PCDH15: variants seen among roughly 807,000 people sequenced by gnomAD.
PCDH15 encodes the protein protocadherin-15.
In PCDH15, 129 loss-of-function variants were observed where a neutral mutation model predicts 178.5. That is an observed-to-expected ratio of 0.72 (90% CI 0.63 to 0.84). PCDH15 has a LOEUF of 0.84. PCDH15 is among the 40% of genes least tolerant of loss of function. The pLI is 0.00. For missense variants in PCDH15, 2,230 were observed against 2,099.9 expected (o/e 1.06, Z -1.21); for synonymous variants, 800 against 732.0 (o/e 1.09, Z -1.50).
chr10:54,882,726 T>G (rs10450311), intron 3 of PCDH15, among the ~76,000 whole-genome samples: 3,370 of 152,158 alleles, frequency 0.022, 141 homozygotes, highest in African/African-American at 0.075. Flanking sequence ...TTTCATTACT[T>G]TACAGTCCAC....
chr10:54,172,648 A>T (rs2047036947), intron 13 of PCDH15, among the ~76,000 whole-genome samples: 1 of 152,222 alleles, frequency 6.6e-6, no homozygotes, highest in Non-Finnish European at 1.5e-5. Flanking sequence ...TATATTGTAC[A>T]TTTTGTTTCT....
chr10:55,627,937 G>A (rs1214695255), exon 1 of PCDH15: 1 of 152,496 alleles, frequency 6.6e-6, no homozygotes, highest in Non-Finnish European at 1.5e-5. Flanking sequence ...TGCTCCTCCT[G>A]ATAGCGCCAA....
At chr10:54,225,199 A>C (rs2053296286) in intron 9 of PCDH15, among the ~76,000 whole-genome samples, 1 of 152,142 alleles carries the variant, frequency 6.6e-6, no homozygotes, top group Admixed American at 6.6e-5. Context: ...AGAAGCTCTG[A>C]AAAGGGAGGT....
chr10:54,837,499 A>G (rs1953336161), intron 3 of PCDH15, among the ~76,000 whole-genome samples: 1 of 152,220 alleles, frequency 6.6e-6, no homozygotes, highest in Non-Finnish European at 1.5e-5. Flanking sequence ...TTATGATCAC[A>G]AAATTGAACT....
chr10:53,973,003 G>T (rs1451357163), intron 21 of PCDH15, among the ~76,000 whole-genome samples: 4 of 152,026 alleles, frequency 2.6e-5, no homozygotes, highest in African/African-American at 9.7e-5. Context: ...TATGTTTATT[G>T]TGGTACTATT....
chr10:55,442,485 A>ATATATATATATATTATATATATATAT (rs1839218590), intron 2 of PCDH15, among the ~76,000 whole-genome samples: 9 of 91,742 alleles, frequency 9.8e-5, no homozygotes, highest in East Asian at 1.1e-3. Flanking sequence ...TATATATTAT[A>ATATATATATATATTATATATATATAT]TATATATATA....
intron 3 of PCDH15, among the ~76,000 whole-genome samples, chr10:54,479,997 A>G (rs2078593579): frequency 6.6e-6 from 1 of 152,072 alleles, no homozygotes; most frequent in African/African-American, 2.4e-5. Flanking sequence ...GCCTCGAAAT[A>G]TAATTATGAC....
At chr10:55,313,899 G>A (rs1240849719) in intron 1 of PCDH15, among the ~76,000 whole-genome samples, 1 of 152,018 alleles carries the variant, frequency 6.6e-6, no homozygotes, top group African/African-American at 2.4e-5. Flanking sequence ...TTAGACATAA[G>A]TGGCTTTTGA....
chr10:54,037,663 G>A (rs759878386), intron 18 of PCDH15, among the ~76,000 whole-genome samples: 11 of 151,930 alleles, frequency 7.2e-5, no homozygotes, highest in Admixed American at 1.3e-4. Context: ...TGCAACATTT[G>A]CTGTATTACT....
chr10:55,537,225 C>T (rs1400998029), intron 2 of PCDH15, among the ~76,000 whole-genome samples: 2 of 151,956 alleles, frequency 1.3e-5, no homozygotes, highest in African/African-American at 4.8e-5. Flanking sequence ...GATAAAAATA[C>T]GTATCCCTAA....
intron 37 of PCDH15, among the ~76,000 whole-genome samples, chr10:53,810,204 T>C (rs1355566941): frequency 6.6e-6 from 1 of 152,190 alleles, no homozygotes; most frequent in Admixed American, 6.6e-5. Context: ...TGACTTTTAG[T>C]TTTGCTAGAT....
intron 1 of PCDH15, among the ~76,000 whole-genome samples, chr10:55,225,516 G>T (rs928768167): frequency 2.6e-5 from 4 of 152,056 alleles, no homozygotes; most frequent in African/African-American, 9.7e-5. Flanking sequence ...CTGTCTTGTC[G>T]GAAGATAGAA....
intron 2 of PCDH15, among the ~76,000 whole-genome samples, chr10:54,659,843 C>T (rs1298937590): frequency 6.6e-6 from 1 of 150,660 alleles, no homozygotes; most frequent in African/African-American, 2.4e-5. Context: ...TGATTTTAGG[C>T]TAAACAAGAA....
chr10:54,298,053 C>T (rs1402466946), intron 8 of PCDH15, among the ~76,000 whole-genome samples: 3 of 152,214 alleles, frequency 2.0e-5, no homozygotes, highest in Non-Finnish European at 4.4e-5. Context: ...GAGTTGTAAA[C>T]ATCTGTTGAC....
At chr10:55,172,168 A>T (rs1457429773) in intron 1 of PCDH15, among the ~76,000 whole-genome samples, 1 of 151,954 alleles carries the variant, frequency 6.6e-6, no homozygotes, top group Non-Finnish European at 1.5e-5. Context: ...CAAGAGAATA[A>T]ATTTATATTT....
chr10:54,012,775 T>C (rs570683443), intron 20 of PCDH15, among the ~76,000 whole-genome samples: 1 of 152,278 alleles, frequency 6.6e-6, no homozygotes, highest in East Asian at 1.9e-4. Flanking sequence ...AGGCCTGCCT[T>C]ATAAGAGCTC....
At chr10:54,280,569 C>A (rs1217213704) in intron 8 of PCDH15, among the ~76,000 whole-genome samples, 3 of 151,818 alleles carry the variant, frequency 2.0e-5, no homozygotes, top group Non-Finnish European at 4.4e-5. Context: ...TCCTGACCCA[C>A]TGTCTTTGTT....
At chr10:55,108,846 A>C (rs1207337610) in intron 2 of PCDH15, among the ~76,000 whole-genome samples, 1 of 152,172 alleles carries the variant, frequency 6.6e-6, no homozygotes, top group Admixed American at 6.5e-5. Flanking sequence ...TACTGCCTGG[A>C]AATGTTGTGA....
chr10:55,096,244 A>C (rs965437449), intron 2 of PCDH15, among the ~76,000 whole-genome samples: 4 of 152,130 alleles, frequency 2.6e-5, no homozygotes, highest in African/African-American at 9.7e-5. Context: ...GCTGTTTTCC[A>C]ACATCTGTGA....
Sources: allele counts gnomAD v4.1 joint callset (sites outside exome capture counted in the v4.1 genomes callset), GRCh38; gene constraint gnomAD v4.1.1; transcripts MANE v1.5; gene names NCBI Gene and HGNC (gene_info 2026-07-23, HGNC 2026-07-21).